The following TRAF3IP1 variants were observed in gnomAD, a reference collection of about 807,000 sequenced individuals.
TRAF3IP1 encodes the protein TRAF3-interacting protein 1.
Under a neutral mutation model 89.9 loss-of-function variants are expected in TRAF3IP1, and 53 were observed. The ratio of observed to expected loss-of-function variants is 0.59; its 90% confidence interval spans 0.47 to 0.74. TRAF3IP1 has a LOEUF of 0.74. TRAF3IP1 is among the 30% of genes least tolerant of loss of function. The probability of loss-of-function intolerance (pLI) is 0.00; values close to 1 mark genes in which losing one functional copy is unlikely to be tolerated. For missense variants in TRAF3IP1, 806 were observed against 866.1 expected, an observed-to-expected ratio of 0.93 and a Z score of 0.87; for synonymous variants, 311 against 322.1, an observed-to-expected ratio of 0.97 and a Z score of 0.37.
chr2:238,348,366 CTG>C (rs1204815045), intron 10 of TRAF3IP1, among the ~76,000 whole-genome samples: 4 of 152,152 alleles, frequency 2.6e-5, no homozygotes, highest in African/African-American at 9.7e-5. Context: ...TGACATGTGA[CTG>C]TACCATAATT....
chr2:238,336,425 T>C (rs1368937657), intron 7 of TRAF3IP1, among the ~76,000 whole-genome samples: 1 of 152,104 alleles, frequency 6.6e-6, no homozygotes, highest in Admixed American at 6.5e-5. Flanking sequence ...AGGTTCTCAT[T>C]TGGGCAAATG....
At chr2:238,349,699 T>C (rs1699059585) in intron 12 of TRAF3IP1, among the ~76,000 whole-genome samples, 1 of 152,040 alleles carries the variant, frequency 6.6e-6, no homozygotes, top group South Asian at 2.1e-4. Flanking sequence ...GTGAAAACAA[T>C]AGGGGAATTA....
intron 7 of TRAF3IP1, among the ~76,000 whole-genome samples, chr2:238,338,037 TC>T (rs1698467412): frequency 6.6e-6 from 1 of 151,934 alleles, no homozygotes; most frequent in Non-Finnish European, 1.5e-5. Flanking sequence ...CGTGGTGAAC[TC>T]CAGAGCTTGC....
intron 6 of TRAF3IP1, among the ~76,000 whole-genome samples, chr2:238,333,646 G>GCAA (rs1698236133): frequency 6.6e-6 from 1 of 152,174 alleles, no homozygotes; most frequent in African/African-American, 2.4e-5. Context: ...TAAGTATATA[G>GCAA]CAACAGAAGT....
intron 1 of TRAF3IP1, among the ~76,000 whole-genome samples, chr2:238,324,857 C>T (rs2106357863): frequency 6.6e-6 from 1 of 152,278 alleles, no homozygotes; most frequent in South Asian, 2.1e-4. Context: ...CCGCCTCAGC[C>T]TCCCAAAGTG....
At position 238,320,730 on chromosome 2, in the gene TRAF3IP1, C is replaced by G; in HGVS notation, c.68C>G (p.Thr23Ser). The change falls in exon 1 of 17, where the codon ACC (threonine) becomes AGC (serine). Residue 23 changes from threonine (T) to serine (S), a missense_variant. By Grantham distance (58) the Thr-to-Ser change is moderately conservative (BLOSUM62 1). Around this residue, in one of 3 missense-constraint regions of TRAF3IP1, gnomAD observed 732 missense variants for 780.5 expected, o/e 0.94. Transcript: ENST00000373327. ...AAAGTGATTCGGAGGCCGCCGCTGACCGAGAAGCTGCTGAGCAAGCCCCCG... is the reference window on the plus strand; with the variant it reads ...AAAGTGATTCGGAGGCCGCCGCTGAGCGAGAAGCTGCTGAGCAAGCCCCCG... ...LGKVIRRPPL[T>S]EKLLSKPPFR... 6.9e-7 allele frequency: 1 copy of G among 1,453,002 alleles called. No individual in the cohort carries two copies. Among genetic ancestry groups the G allele is most frequent in the South Asian group, 1.3e-5 (1 of 76,592 alleles). 90.0% of individuals were successfully genotyped at this position (1,453,002 alleles called of 1,614,324 possible).
At chr2:238,386,336 A>G (rs773650685) in intron 15 of TRAF3IP1, among the ~76,000 whole-genome samples, 1 of 152,122 alleles carries the variant, frequency 6.6e-6, no homozygotes, top group Non-Finnish European at 1.5e-5. Context: ...TTTTTGTGAC[A>G]GAGTCTCACT....
intron 15 of TRAF3IP1, among the ~76,000 whole-genome samples, chr2:238,390,244 C>G (rs897563894): frequency 1.3e-5 from 2 of 152,112 alleles, no homozygotes; most frequent in East Asian, 3.9e-4. Context: ...GGTGAGGGTG[C>G]CACAAAAAGG....
intron 15 of TRAF3IP1, among the ~76,000 whole-genome samples, chr2:238,389,754 TAATA>T (rs1700918532): frequency 1.3e-5 from 2 of 148,600 alleles, no homozygotes; most frequent in African/African-American, 4.9e-5. Flanking sequence ...TCTCAAATAA[TAATA>T]ATAATAATAA....
chr2:238,361,712 T>C (rs978473552), intron 15 of TRAF3IP1, among the ~76,000 whole-genome samples: 10 of 152,170 alleles, frequency 6.6e-5, no homozygotes, highest in African/African-American at 2.4e-4. Flanking sequence ...CCTCCCCGAC[T>C]CTCCAGGTTG....
intron 15 of TRAF3IP1, among the ~76,000 whole-genome samples, chr2:238,358,001 G>A (rs1699495769): frequency 6.6e-6 from 1 of 152,032 alleles, no homozygotes; most frequent in South Asian, 2.1e-4. Context: ...CAGGGTTGAT[G>A]TATGTTACAG....
chr2:238,363,690 G>A (rs932992909), intron 15 of TRAF3IP1, among the ~76,000 whole-genome samples: 4 of 152,084 alleles, frequency 2.6e-5, no homozygotes, highest in Non-Finnish European at 5.9e-5. Context: ...GGCCAGGTGC[G>A]GTGGCTCACA....
At chr2:238,352,375 T>A (rs1330477659) in intron 12 of TRAF3IP1, among the ~76,000 whole-genome samples, 1 of 152,082 alleles carries the variant, frequency 6.6e-6, no homozygotes, top group African/African-American at 2.4e-5. Flanking sequence ...TCAGCCCTGG[T>A]CAGTGGGACC....
chr2:238,371,011 A>T lies in TRAF3IP1; in HGVS notation c.1689+14931A>T, dbSNP rs534354162. Among the ~76,000 whole-genome samples, 19 of 152,310 alleles carry T rather than the reference A, an allele frequency of 1.2e-4. No homozygotes were observed. The South Asian group carries it at 3.9e-3, about 32-fold the overall frequency. ...AGGGAGCGGGCATAGTTCTCTTGTA[A>T]TGTGGTTTTCTGCCACAATTTGGAC... On this transcript the variant is annotated intron_variant, in intron 15 of 16. Transcript: ENST00000373327.
chr2:238,367,202 A>G (rs1438035716), intron 15 of TRAF3IP1, among the ~76,000 whole-genome samples: 2 of 139,976 alleles, frequency 1.4e-5, no homozygotes, highest in African/African-American at 2.6e-5. Context: ...AAATTAGTGG[A>G]TAAGGATTAG....
chr2:238,325,611 A>C (rs572633452), intron 2 of TRAF3IP1, among the ~76,000 whole-genome samples, 198 bp from the exon 3 acceptor site: 7 of 152,374 alleles, frequency 4.6e-5, no homozygotes, highest in Non-Finnish European at 7.3e-5. Flanking sequence ...GGTTAATGCT[A>C]GCCCATCAAC....
Position 238,347,474 on chromosome 2 carries a change from A to G in TRAF3IP1, c.1281A>G (p.Ala427=), listed in dbSNP as rs1698947175. The G allele has an allele frequency of 1.2e-6, 2 of 1,614,112 alleles. No individual in the cohort carries two copies. Among genetic ancestry groups the G allele is most frequent in the African/African-American group, 1.3e-5 (1 of 75,034 alleles). ...CTTTAGGTGACTCCACCAGTGATGC[A>G]GGTGAGGAATGGCCTTAGATACCTG... ...EKQKGDSTSD[A]EGDAGPAGQD... Residue 427 remains alanine (A), a splice_region_variant and synonymous_variant, in exon 10 of 17, where the codon GCA becomes GCG. Transcript: ENST00000373327.
At chr2:238,340,856 GAGAC>G (rs1164679666) in intron 8 of TRAF3IP1, among the ~76,000 whole-genome samples, 29 of 147,008 alleles carry the variant, frequency 2.0e-4, no homozygotes, top group African/African-American at 6.4e-4. Flanking sequence ...TAGAGAGAGA[GAGAC>G]AGAGAGACAG....
At position 238,398,929 on chromosome 2, in the gene TRAF3IP1, A is replaced by C. The variant is rs1574987666; in HGVS notation, c.*10A>C. 3 of 1,584,746 alleles carry C rather than the reference A, an allele frequency of 1.9e-6. No individual in the cohort carries two copies. The highest frequency in any genetic ancestry group is 2.6e-6 in the Non-Finnish European group (3 of 1,170,156). On this transcript the variant is annotated 3_prime_UTR_variant, in exon 17 of 17. Coordinates refer to ENST00000373327, the MANE Select transcript of TRAF3IP1 (RefSeq NM_015650.4). ...GACTTCGAGAAGGTGAACACTCAAA[A>C]GTTTCAGAGATGAAAAGTCACCTCA...
Sources: gnomAD v4.1 joint callset for allele counts (sites outside exome capture counted in the v4.1 genomes callset) on GRCh38, gnomAD v4.1.1 for gene constraint, gnomAD v4.1.1 regional missense constraint, MANE v1.5 for transcripts, NCBI Gene and HGNC (gene_info 2026-07-23, HGNC 2026-07-21) for gene names.